The following CAB39 variants were observed in gnomAD, a reference collection of about 807,000 sequenced individuals.
CAB39 encodes calcium-binding protein 39.
Under a neutral mutation model 40.0 loss-of-function variants are expected in CAB39, and 8 were observed. That is an observed-to-expected ratio of 0.20 (90% CI 0.12 to 0.36). The LOEUF (loss-of-function observed/expected upper bound fraction) is 0.36. Among genes scored for constraint, CAB39 ranks in the 10% least tolerant of loss-of-function variants. CAB39 has a pLI of 1.00. For missense variants in CAB39, 270 were observed against 401.1 expected (o/e 0.67, Z 2.79); for synonymous variants, 156 against 141.6 (o/e 1.10, Z -0.72).
At chr2:230,734,953 TG>T (rs1694760544) in intron 1 of CAB39, among the ~76,000 whole-genome samples, 1 of 152,198 alleles carries the variant, frequency 6.6e-6, no homozygotes, top group Non-Finnish European at 1.5e-5. Flanking sequence ...TTGTGTTTTC[TG>T]TTGAATCATA....
chr2:230,741,919 C>T (rs1694884435), intron 1 of CAB39, among the ~76,000 whole-genome samples: 1 of 152,104 alleles, frequency 6.6e-6, no homozygotes, highest in African/African-American at 2.4e-5. Flanking sequence ...TTGTCTATAA[C>T]TAAGCAGTGC....
At chr2:230,808,031 C>T (rs1388090710) in intron 5 of CAB39, among the ~76,000 whole-genome samples, 1 of 151,654 alleles carries the variant, frequency 6.6e-6, no homozygotes, top group Non-Finnish European at 1.5e-5. Flanking sequence ...TTGTCAGTGC[C>T]TGCTCTGTGC....
At chr2:230,736,905 TGCCA>T (rs1694797158) in intron 1 of CAB39, among the ~76,000 whole-genome samples, 1 of 152,216 alleles carries the variant, frequency 6.6e-6, no homozygotes, top group Admixed American at 6.5e-5. Flanking sequence ...TGATTCATGC[TGCCA>T]ACCTTTTAAT....
chr2:230,770,826 A>C (rs577260650), intron 2 of CAB39, among the ~76,000 whole-genome samples: 2 of 152,316 alleles, frequency 1.3e-5, no homozygotes, highest in East Asian at 1.9e-4. Flanking sequence ...GGGGAAAAAA[A>C]CCAGCATCTA....
chr2:230,793,533 A>G (rs1286174216), intron 4 of CAB39, among the ~76,000 whole-genome samples: 1 of 152,210 alleles, frequency 6.6e-6, no homozygotes, highest in African/African-American at 2.4e-5. Flanking sequence ...GTGGGAATTT[A>G]AAATTAGGTG....
chr2:230,817,796 A>G lies in CAB39; in HGVS notation c.736A>G (p.Met246Val), dbSNP rs767236264. Residue 246 changes from methionine (M) to valine (V), a missense_variant, in exon 8 of 9, where the codon ATG becomes GTG. Physicochemically the swap from Met to Val is conservative, Grantham distance 21. Transcript: ENST00000258418. ...LLLDRHNFTI[M>V]TKYISKPENL... ...ACTAGATAGACACAACTTCACAATT[A>G]TGACAAAATACATCAGTAAACCTGA... The G allele has an allele frequency of 6.2e-7, 1 of 1,612,140 alleles. No individual in the cohort carries two copies. The highest frequency in any genetic ancestry group is 8.5e-7 in the Non-Finnish European group (1 of 1,178,786).
chr2:230,803,969 G>T (rs1347105670), intron 5 of CAB39, among the ~76,000 whole-genome samples: 1 of 152,176 alleles, frequency 6.6e-6, no homozygotes, highest in Non-Finnish European at 1.5e-5. Context: ...GAACAAAGCT[G>T]GAGGCATCAC....
intron 1 of CAB39, among the ~76,000 whole-genome samples, chr2:230,732,832 G>T (rs776433620): frequency 2.6e-5 from 4 of 152,212 alleles, no homozygotes; most frequent in Non-Finnish European, 5.9e-5. Flanking sequence ...AGTGTGGTTA[G>T]TGGGAGGTTG....
intron 5 of CAB39, among the ~76,000 whole-genome samples, chr2:230,800,626 G>T (rs1017939754): frequency 6.6e-6 from 1 of 152,172 alleles, no homozygotes; most frequent in Admixed American, 6.5e-5. Flanking sequence ...AGATTCCCCT[G>T]TGTGGAAGGA....
At chr2:230,814,363 A>G (rs1319788170) in intron 7 of CAB39, among the ~76,000 whole-genome samples, 2 of 152,174 alleles carry the variant, frequency 1.3e-5, no homozygotes, top group Non-Finnish European at 2.9e-5. Context: ...TTCATCTCCT[A>G]GCAGTGCATT....
chr2:230,727,470 G>C, intron 1 of CAB39, among the ~76,000 whole-genome samples: 1 of 147,868 alleles, frequency 6.8e-6, no homozygotes, highest in South Asian at 2.1e-4. Flanking sequence ...GCTGGAGTGC[G>C]GTGGCGCAGT....
At chr2:230,808,340 G>A (rs1696240992) in intron 5 of CAB39, among the ~76,000 whole-genome samples, 2 of 152,054 alleles carry the variant, frequency 1.3e-5, no homozygotes, top group Non-Finnish European at 1.5e-5. Context: ...CCTCGGCCAG[G>A]CACTATTCTT....
At chr2:230,776,659 TG>T (rs745441167) in intron 2 of CAB39, among the ~76,000 whole-genome samples, 14 of 151,820 alleles carry the variant, frequency 9.2e-5, no homozygotes, top group Non-Finnish European at 1.5e-4. Flanking sequence ...AAGTAGGTCA[TG>T]GTTCCAGGTG....
intron 4 of CAB39, among the ~76,000 whole-genome samples, chr2:230,795,633 A>T (rs968258856): frequency 2.0e-5 from 3 of 152,182 alleles, no homozygotes; most frequent in African/African-American, 7.2e-5. Context: ...AGGTGTCCTC[A>T]GTCTGTAATC....
chr2:230,778,096 TG>T (rs1695625210), intron 2 of CAB39, among the ~76,000 whole-genome samples: 1 of 152,264 alleles, frequency 6.6e-6, no homozygotes, highest in Admixed American at 6.5e-5. Flanking sequence ...AGGTTTTTAA[TG>T]TCTGACTTAG....
chr2:230,809,876 C>T (rs1311141574), intron 5 of CAB39, among the ~76,000 whole-genome samples: 2 of 152,076 alleles, frequency 1.3e-5, no homozygotes, highest in East Asian at 1.9e-4. Context: ...GCTAAGTGGG[C>T]GTGGAATTGT....
At chr2:230,738,611 G>A (rs1359375637) in intron 1 of CAB39, among the ~76,000 whole-genome samples, 1 of 152,204 alleles carries the variant, frequency 6.6e-6, no homozygotes, top group Non-Finnish European at 1.5e-5. Flanking sequence ...TGTGCATTCT[G>A]TGACTCTAAA....
intron 1 of CAB39, among the ~76,000 whole-genome samples, chr2:230,745,380 A>C (rs950119152): frequency 5.3e-5 from 8 of 152,306 alleles, no homozygotes; most frequent in African/African-American, 1.9e-4. Flanking sequence ...ACATGTGCCT[A>C]AAGGAAGTTT....
chr2:230,777,729 G>A (rs899055961), intron 2 of CAB39, among the ~76,000 whole-genome samples: 9 of 152,116 alleles, frequency 5.9e-5, no homozygotes, highest in Admixed American at 1.3e-4. Flanking sequence ...TTTAAAGCCT[G>A]CCGTGGTTCT....
Sources: gnomAD v4.1 joint callset for allele counts (sites outside exome capture counted in the v4.1 genomes callset) on GRCh38, gnomAD v4.1.1 for gene constraint, MANE v1.5 for transcripts, NCBI Gene and HGNC (gene_info 2026-07-23, HGNC 2026-07-21) for gene names.